PPP3R1: variants seen among roughly 807,000 people sequenced by gnomAD.
PPP3R1 encodes the protein calcineurin subunit B type 1.
PPP3R1 carries 5 observed loss-of-function variants against 22.6 expected under a neutral mutation model. The ratio of observed to expected loss-of-function variants is 0.22; its 90% CI spans 0.12 to 0.46. The LOEUF (loss-of-function observed/expected upper bound fraction) is 0.46, where lower values mean the gene tolerates loss of function less well. Among genes scored for constraint, PPP3R1 ranks in the 20% least tolerant of loss-of-function variants. The probability of loss-of-function intolerance (pLI) is 0.99; values close to 1 mark genes in which losing one functional copy is unlikely to be tolerated. For synonymous variants in PPP3R1, 56 were observed against 65.2 expected (o/e 0.86, Z 0.68); for missense variants, 61 against 203.2 (o/e 0.30, Z 4.25).
At chr2:68,229,924 ATATGTGTGTG>A (rs1340721732) in intron 1 of PPP3R1, among the ~76,000 whole-genome samples, 108 of 150,130 alleles carry the variant, frequency 7.2e-4, no homozygotes, top group African/African-American at 2.5e-3. Context: ...ATGTGTATAT[ATATGTGTGTG>A]TATGTGTGTA....
chr2:68,240,589 C>A (rs528524751), intron 1 of PPP3R1, among the ~76,000 whole-genome samples: 1 of 152,152 alleles, frequency 6.6e-6, no homozygotes, highest in African/African-American at 2.4e-5. Flanking sequence ...CATGACCTGA[C>A]CTGCTCTGGG....
At chr2:68,239,895 G>A (rs773494982) in intron 1 of PPP3R1, among the ~76,000 whole-genome samples, 7 of 152,026 alleles carry the variant, frequency 4.6e-5, no homozygotes, top group African/African-American at 9.7e-5. Flanking sequence ...AACTTAAAGC[G>A]GTTGATTTTC....
At chr2:68,189,322 C>T (rs990650407) in intron 2 of PPP3R1, among the ~76,000 whole-genome samples, 1 of 151,822 alleles carries the variant, frequency 6.6e-6, no homozygotes, top group Non-Finnish European at 1.5e-5. Context: ...TACTTAACAA[C>T]CAAATAGCTA....
intron 1 of PPP3R1, among the ~76,000 whole-genome samples, chr2:68,226,629 C>T (rs1669786273): frequency 6.6e-6 from 1 of 152,084 alleles, no homozygotes; most frequent in Non-Finnish European, 1.5e-5. Flanking sequence ...TATAATTCAT[C>T]CCTTAGTCTC....
intron 1 of PPP3R1, among the ~76,000 whole-genome samples, chr2:68,230,011 C>CACACACACACACACACACACACACAT (rs1421392496): frequency 1.4e-5 from 2 of 139,564 alleles, no homozygotes; most frequent in African/African-American, 5.5e-5. Flanking sequence ...CACACACACA[C>CACACACACACACACACACACACACAT]ATATATATTT....
intron 2 of PPP3R1, among the ~76,000 whole-genome samples, chr2:68,196,423 C>A: frequency 6.6e-6 from 1 of 152,134 alleles, no homozygotes; most frequent in South Asian, 2.1e-4. Context: ...ATATTCTGCA[C>A]AGTTTGACTA....
intron 2 of PPP3R1, among the ~76,000 whole-genome samples, chr2:68,205,270 G>A (rs542620368): frequency 4.3e-5 from 6 of 139,172 alleles, no homozygotes; most frequent in South Asian, 2.2e-4. Flanking sequence ...TTGAAACGGC[G>A]TTTCACTCGT....
chr2:68,217,223 G>T, intron 1 of PPP3R1, 92 bp from the exon 2 acceptor site: 2 of 850,956 alleles, frequency 2.4e-6, no homozygotes, highest in Non-Finnish European at 3.7e-6. Flanking sequence ...AAAACATAGG[G>T]AAATAAGCCA....
At chr2:68,208,532 T>C (rs1450930022) in intron 2 of PPP3R1, among the ~76,000 whole-genome samples, 2 of 152,242 alleles carry the variant, frequency 1.3e-5, no homozygotes, top group Non-Finnish European at 2.9e-5. Context: ...TAGAGGCTAG[T>C]AATTAGGTCT....
intron 2 of PPP3R1, among the ~76,000 whole-genome samples, chr2:68,189,447 G>T (rs568080546): frequency 2.6e-5 from 4 of 152,108 alleles, no homozygotes; most frequent in Non-Finnish European, 5.9e-5. Flanking sequence ...ATAAATTCTT[G>T]AAACAACAGG....
intron 1 of PPP3R1, among the ~76,000 whole-genome samples, chr2:68,222,126 G>A (rs1310464597): frequency 1.3e-5 from 2 of 152,052 alleles, no homozygotes; most frequent in Non-Finnish European, 2.9e-5. Context: ...ACTTTTAAAA[G>A]CAAAGATAAC....
chr2:68,221,690 A>C lies in PPP3R1; in HGVS notation c.4-4559T>G, dbSNP rs149668970. Among the ~76,000 whole-genome samples, 142 of 152,312 alleles carry C rather than the reference A, an allele frequency of 9.3e-4. No individual in the cohort carries two copies. In the East Asian group the frequency reaches 0.01, roughly 11 times the overall value. On this transcript the variant is annotated intron_variant, in intron 1 of 5. Coordinates refer to ENST00000234310, the MANE Select transcript of PPP3R1 (RefSeq NM_000945.4). ...CTAAGTAGAAGAAACATGGAAAAAAAAAAGCCACATAATAAATTGCTGTGA... is the reference window on the plus strand; with the variant it reads ...CTAAGTAGAAGAAACATGGAAAAAACAAAGCCACATAATAAATTGCTGTGA...
intron 2 of PPP3R1, among the ~76,000 whole-genome samples, chr2:68,192,169 T>G (rs1356317528): frequency 2.0e-5 from 3 of 152,184 alleles, no homozygotes; most frequent in African/African-American, 7.2e-5. Flanking sequence ...AGTTCATAGA[T>G]TTTGCTGAAG....
intron 1 of PPP3R1, among the ~76,000 whole-genome samples, chr2:68,230,013 T>A (rs528838632): frequency 3.1e-4 from 31 of 99,020 alleles, no homozygotes; most frequent in African/African-American, 9.4e-4. Context: ...CACACACACA[T>A]ATATATTTGG....
intron 1 of PPP3R1, among the ~76,000 whole-genome samples, chr2:68,248,426 T>C (rs1670278252): frequency 6.6e-6 from 1 of 152,258 alleles, no homozygotes; most frequent in South Asian, 2.1e-4. Context: ...CTTAAGTACA[T>C]ATAGTTAGTG....
chr2:68,209,853 C>T (rs533459738), intron 2 of PPP3R1, among the ~76,000 whole-genome samples: 1 of 151,942 alleles, frequency 6.6e-6, no homozygotes, highest in Non-Finnish European at 1.5e-5. Context: ...CTTATTAATA[C>T]CTGAGAGTTG....
rs1223315527 is a variant in PPP3R1, at chr2:68,179,964, A to G, written c.*999T>C. Reference sequence around the variant, plus strand: ...TGAAACAAGGGAATTCATGATTCAAACACAAGTTTAATGACAAATTATTTA... The same window carrying G: ...TGAAACAAGGGAATTCATGATTCAAGCACAAGTTTAATGACAAATTATTTA... On this transcript the variant is annotated 3_prime_UTR_variant, in exon 6 of 6. Transcript: ENST00000234310. 6.6e-6 allele frequency: 1 copy of G among 152,246 alleles called. No individual in the cohort carries two copies. The highest frequency in any genetic ancestry group is 1.5e-5 in the Non-Finnish European group (1 of 68,040). 9.4% of individuals were successfully genotyped at this position (152,246 alleles called of 1,614,324 possible). A position where few individuals can be genotyped will look rare whatever the true frequency, so the allele number is the denominator to read the frequency against.
chr2:68,243,918 G>GA (rs1328836927), intron 1 of PPP3R1, among the ~76,000 whole-genome samples: 3 of 151,814 alleles, frequency 2.0e-5, no homozygotes. Context: ...AAAAAGGAAG[G>GA]AAAAAAACCC....
intron 5 of PPP3R1, among the ~76,000 whole-genome samples, chr2:68,182,205 G>A (rs937705893): frequency 1.3e-5 from 2 of 151,544 alleles, no homozygotes; most frequent in Non-Finnish European, 2.9e-5. Flanking sequence ...ATGTTGTTAT[G>A]TGTATTTGTT....
Sources: gnomAD v4.1 joint callset for allele counts (sites outside exome capture counted in the v4.1 genomes callset) on GRCh38, gnomAD v4.1.1 for gene constraint, MANE v1.5 for transcripts, NCBI Gene and HGNC (gene_info 2026-07-23, HGNC 2026-07-21) for gene names.